CEP85L: variants seen among roughly 807,000 people sequenced by gnomAD.
CEP85L encodes the protein centrosomal protein of 85 kDa-like.
CEP85L carries 60 observed loss-of-function variants against 100.3 expected under a neutral mutation model. The ratio of observed to expected loss-of-function variants is 0.60; its 90% CI spans 0.49 to 0.74. The LOEUF (loss-of-function observed/expected upper bound fraction) is 0.74, where lower values mean the gene tolerates loss of function less well. Ranked by LOEUF, CEP85L falls within the 30% of genes least tolerant of loss-of-function variation. The pLI, the probability that CEP85L is intolerant of heterozygous loss-of-function variation, is 0.00. For missense variants in CEP85L, 973 were observed against 936.2 expected (o/e 1.04, Z -0.51); for synonymous variants, 319 against 322.7 (o/e 0.99, Z 0.12).
In CEP85L at chr6:118,481,924, G is replaced by A; in HGVS notation, c.1600C>T (p.Leu534=). 6.5e-7 allele frequency: 1 copy of A among 1,536,546 alleles called. No homozygotes were observed. Among genetic ancestry groups the A allele is most frequent in the Non-Finnish European group, 8.8e-7 (1 of 1,142,054 alleles). The change falls in exon 8 of 13, where the codon CTG becomes TTG. Residue 534 remains leucine, a synonymous_variant. Coordinates refer to ENST00000368491, the MANE Select transcript of CEP85L (RefSeq NM_001042475.3). ...TGTAAATTCTTATTTTTTTCTTCCA[G>A]AATCTGCAGCTAAGGAGAAATGTTT... ...VQSQSLQLQI[L]EEKNKNLQEA...
intron 5 of CEP85L, among the ~76,000 whole-genome samples, chr6:118,503,121 A>G (rs1197837011): frequency 6.6e-6 from 1 of 152,212 alleles, no homozygotes; most frequent in Non-Finnish European, 1.5e-5. Flanking sequence ...TAACACACAA[A>G]AGTCAATCAT....
At chr6:118,561,994 T>C (rs1779251822) in intron 3 of CEP85L, among the ~76,000 whole-genome samples, 1 of 152,168 alleles carries the variant, frequency 6.6e-6, no homozygotes, top group Non-Finnish European at 1.5e-5. Context: ...ACAGCACACT[T>C]CAAAATGTCC....
chr6:118,576,021 A>G (rs1205675109), intron 2 of CEP85L, among the ~76,000 whole-genome samples: 2 of 152,160 alleles, frequency 1.3e-5, no homozygotes. Flanking sequence ...CCCTGTTAGA[A>G]CATATCATAC....
chr6:118,703,330 T>C (rs1055070729), intron 1 of CEP85L, among the ~76,000 whole-genome samples: 1 of 152,206 alleles, frequency 6.6e-6, no homozygotes, highest in Admixed American at 6.5e-5. Flanking sequence ...AACCCTTTCA[T>C]AAGGATTCAT....
intron 5 of CEP85L, among the ~76,000 whole-genome samples, chr6:118,500,399 G>C (rs1775207400): frequency 1.8e-5 from 1 of 56,628 alleles, no homozygotes; most frequent in African/African-American, 6.8e-5. Flanking sequence ...GGTTTCCTGA[G>C]GACCATCACT....
intron 8 of CEP85L, 37 bp from the exon 9 acceptor site, chr6:118,480,550 C>A: frequency 7.8e-7 from 1 of 1,280,494 alleles, no homozygotes; most frequent in South Asian, 1.3e-5. Context: ...AAAATAAGCT[C>A]TATTTGCTGA....
At chr6:118,577,210 CT>C (rs369757510) in intron 2 of CEP85L, among the ~76,000 whole-genome samples, 19 of 152,296 alleles carry the variant, frequency 1.2e-4, no homozygotes, top group African/African-American at 4.6e-4. Flanking sequence ...GAATCTAAGC[CT>C]TTTCAACAGC....
intron 1 of CEP85L, among the ~76,000 whole-genome samples, chr6:118,671,417 T>C (rs1343654995): frequency 6.6e-6 from 1 of 152,184 alleles, no homozygotes; most frequent in Non-Finnish European, 1.5e-5. Flanking sequence ...TTAAATCCTT[T>C]TGGGAGCAGA....
chr6:118,558,459 T>C (rs1001152567), intron 3 of CEP85L, among the ~76,000 whole-genome samples: 3 of 152,060 alleles, frequency 2.0e-5, no homozygotes, highest in African/African-American at 7.2e-5. Flanking sequence ...AAGTCATGGT[T>C]TCCAGGAACT....
intron 2 of CEP85L, among the ~76,000 whole-genome samples, chr6:118,576,903 A>C (rs1318296831): frequency 6.6e-6 from 1 of 152,234 alleles, no homozygotes; most frequent in African/African-American, 2.4e-5. Flanking sequence ...CACGCTAAAC[A>C]AAAGCGATTG....
chr6:118,657,434 A>G (rs1775835406), upstream of CEP85L, among the ~76,000 whole-genome samples: 1 of 152,180 alleles, frequency 6.6e-6, no homozygotes, highest in African/African-American at 2.4e-5. Context: ...CATGGCCAAC[A>G]TGGTGAAACC....
chr6:118,708,897 C>A (rs1296292309), intron 1 of CEP85L, among the ~76,000 whole-genome samples: 1 of 152,164 alleles, frequency 6.6e-6, no homozygotes, highest in Non-Finnish European at 1.5e-5. Context: ...GCAAAACCAT[C>A]AGCTCTTAAA....
intron 1 of CEP85L, among the ~76,000 whole-genome samples, chr6:118,648,626 C>CA (rs1238181559): frequency 6.6e-6 from 1 of 151,560 alleles, no homozygotes; most frequent in African/African-American, 2.4e-5. Context: ...CCTGTAGTCC[C>CA]AGCTACTCGG....
At chr6:118,549,451 T>C (rs1778408250) in intron 3 of CEP85L, among the ~76,000 whole-genome samples, 1 of 151,846 alleles carries the variant, frequency 6.6e-6, no homozygotes, top group East Asian at 1.9e-4. Context: ...TACATATATT[T>C]TATTTATTTT....
intron 1 of CEP85L, among the ~76,000 whole-genome samples, chr6:118,692,892 C>T (rs1777092140): frequency 6.6e-6 from 1 of 152,108 alleles, no homozygotes; most frequent in Non-Finnish European, 1.5e-5. Flanking sequence ...AGATGCATCA[C>T]CCTTGTTACT....
intron 1 of CEP85L, among the ~76,000 whole-genome samples, chr6:118,658,179 T>C (rs1470493581): frequency 1.3e-5 from 2 of 152,212 alleles, no homozygotes; most frequent in African/African-American, 2.4e-5. Flanking sequence ...CAGACAAGTC[T>C]AACTACAATT....
intron 1 of CEP85L, among the ~76,000 whole-genome samples, chr6:118,673,320 G>A (rs1314760774): frequency 1.3e-5 from 2 of 152,160 alleles, no homozygotes; most frequent in African/African-American, 2.4e-5. Context: ...AATATCCAAA[G>A]GGATATGAAA....
upstream of CEP85L, chr6:118,652,954 C>T: frequency 2.1e-6 from 1 of 473,472 alleles, no homozygotes; most frequent in Non-Finnish European, 3.8e-6. Context: ...GAAGCTATAG[C>T]ACTATGTATA....
At chr6:118,692,569 G>A (rs1481941314) in intron 1 of CEP85L, among the ~76,000 whole-genome samples, 1 of 151,980 alleles carries the variant, frequency 6.6e-6, no homozygotes, top group African/African-American at 2.4e-5. Flanking sequence ...AATTAAGGAA[G>A]GCATAAATGT....
Sources: allele counts gnomAD v4.1 joint callset (sites outside exome capture counted in the v4.1 genomes callset), GRCh38; gene constraint gnomAD v4.1.1; transcripts MANE v1.5; gene names NCBI Gene and HGNC (gene_info 2026-07-23, HGNC 2026-07-21).